NKAIN3: variants seen among roughly 807,000 people sequenced by gnomAD.
The protein encoded by NKAIN3 is sodium/potassium transporting ATPase interacting 3, also known as sodium/potassium-transporting ATPase subunit beta-1-interacting protein 3.
NKAIN3 carries 25 observed loss-of-function variants against 30.2 expected under a neutral mutation model. That is an observed-to-expected ratio of 0.83 (90% confidence interval 0.60 to 1.16). The LOEUF is 1.16. NKAIN3 is among the 50% of genes most tolerant of loss of function. The pLI is 0.00. For synonymous variants in NKAIN3, 91 were observed against 89.6 expected, an observed-to-expected ratio of 1.02 and a Z score of -0.09; for missense variants, 225 against 254.1, an observed-to-expected ratio of 0.89 and a Z score of 0.78.
chr8:62,788,771 G>A (rs1254397418), intron 4 of NKAIN3, among the ~76,000 whole-genome samples: 3 of 151,480 alleles, frequency 2.0e-5, no homozygotes, highest in Non-Finnish European at 4.4e-5. Flanking sequence ...AGTTTTCCCA[G>A]CACCATTTAT....
intron 1 of NKAIN3, among the ~76,000 whole-genome samples, chr8:62,430,532 G>A (rs1278096465): frequency 6.6e-6 from 1 of 151,452 alleles, no homozygotes; most frequent in African/African-American, 2.4e-5. Context: ...TTTCCACAGT[G>A]GCTATACCAT....
At chr8:62,381,841 G>T (rs182904752) in intron 1 of NKAIN3, among the ~76,000 whole-genome samples, 195 of 152,254 alleles carry the variant, frequency 1.3e-3, no homozygotes, top group African/African-American at 4.2e-3. Context: ...TTACCAACCT[G>T]CATGTATAGG....
chr8:62,788,621 C>T (rs2130667451), intron 4 of NKAIN3, among the ~76,000 whole-genome samples: 1 of 152,180 alleles, frequency 6.6e-6, no homozygotes, highest in South Asian at 2.1e-4. Flanking sequence ...TGCCTATGTC[C>T]TGAATGGTAT....
chr8:62,756,976 T>C (rs1816474344), intron 4 of NKAIN3, among the ~76,000 whole-genome samples: 1 of 152,184 alleles, frequency 6.6e-6, no homozygotes, highest in Non-Finnish European at 1.5e-5. Flanking sequence ...ATATTGATTA[T>C]TAAATGCAAA....
intron 4 of NKAIN3, among the ~76,000 whole-genome samples, chr8:62,774,012 T>C (rs947702114): frequency 2.0e-5 from 3 of 152,208 alleles, no homozygotes; most frequent in Admixed American, 1.3e-4. Flanking sequence ...ATGGACATTT[T>C]GACAATATTG....
In NKAIN3 at chr8:62,726,818, T is replaced by C. The variant is rs115671803; in HGVS notation, c.274-20114T>C. 2.8e-3 allele frequency among the ~76,000 whole-genome samples: 424 copies of C among 152,140 alleles called. 3 individuals are homozygous for C. Among genetic ancestry groups the C allele is most frequent in the African/African-American group, 9.8e-3 (407 of 41,554 alleles). On this transcript the variant is annotated intron_variant, in intron 3 of 6. Transcript: ENST00000623646. ...TTGTTCTATGACCTCTTTTAGAAGA[T>C]AGAAGCAGTGAGGTTACTCCCTAAG...
chr8:62,723,103 G>T (rs962135586), intron 3 of NKAIN3, among the ~76,000 whole-genome samples: 1 of 152,026 alleles, frequency 6.6e-6, no homozygotes, highest in African/African-American at 2.4e-5. Context: ...ATCAGCTGCC[G>T]CATCCATAGG....
At chr8:62,850,133 T>C (rs1819842812) in intron 4 of NKAIN3, among the ~76,000 whole-genome samples, 1 of 152,126 alleles carries the variant, frequency 6.6e-6, no homozygotes, top group Admixed American at 6.5e-5. Flanking sequence ...CCTGACTTTT[T>C]AATGATCGCC....
In NKAIN3 at chr8:62,856,705, G is replaced by C. The variant is rs1054428311; in HGVS notation, c.472-61748G>C. 3 of 735,732 alleles carry C rather than the reference G, an allele frequency of 4.1e-6. No individual in the cohort carries two copies. In the Admixed American group the frequency reaches 5.8e-5, roughly 14 times the overall value. The allele number at this position is 735,732 out of a possible 1,614,324, so 45.6% of individuals were successfully genotyped here. On this transcript the variant is annotated intron_variant, in intron 4 of 6. Coordinates refer to ENST00000623646, the MANE Select transcript of NKAIN3 (RefSeq NM_001304533.3). ...CTGTGGCCCATCAGGTCTTGGAAAC[G>C]TTTTTGTTCCTGCTGCCCCTTAAAC...
chr8:62,285,121 A>G (rs960509848), intron 1 of NKAIN3, among the ~76,000 whole-genome samples: 1 of 151,932 alleles, frequency 6.6e-6, no homozygotes. Flanking sequence ...CTTTAATCTT[A>G]CTCCTGGTGT....
chr8:62,797,046 A>G (rs574645206), intron 4 of NKAIN3, among the ~76,000 whole-genome samples: 122 of 152,300 alleles, frequency 8.0e-4, no homozygotes, highest in Non-Finnish European at 1.5e-3. Flanking sequence ...ATTGGATGAA[A>G]ATATCTTCTA....
At position 62,454,121 on chromosome 8, in the gene NKAIN3, C is replaced by T. The variant is rs1292221550; in HGVS notation, c.55-125418C>T. ...CATGACTTGCTCAGAGTCACTTAGC[C>T]AATAGGTTCCAAACTGCACTGAAAT... On this transcript the variant is annotated intron_variant, in intron 1 of 6. Transcript: ENST00000623646. Among the ~76,000 whole-genome samples, 3 of 151,504 alleles carry T rather than the reference C, an allele frequency of 2.0e-5. No homozygotes were observed. The East Asian group carries it at 5.8e-4, about 29-fold the overall frequency.
intron 1 of NKAIN3, among the ~76,000 whole-genome samples, chr8:62,330,474 T>C (rs1467698668): frequency 6.6e-6 from 1 of 151,840 alleles, no homozygotes; most frequent in African/African-American, 2.4e-5. Flanking sequence ...ATCGACAGAT[T>C]TGAGGCTGAA....
chr8:62,276,091 A>T (rs1812945943), intron 1 of NKAIN3, among the ~76,000 whole-genome samples: 1 of 152,120 alleles, frequency 6.6e-6, no homozygotes, highest in Admixed American at 6.6e-5. Context: ...TTTGAGACAG[A>T]GTCTCCCTCT....
chr8:62,722,234 A>T (rs1323380998), intron 3 of NKAIN3, among the ~76,000 whole-genome samples: 5 of 152,212 alleles, frequency 3.3e-5, no homozygotes, highest in Admixed American at 3.3e-4. Context: ...AGAAAAGCTA[A>T]AAGTGCCTTG....
rs144794736 is a variant in NKAIN3, at chr8:62,318,315, C to T, written c.54+69188C>T. On this transcript the variant is annotated intron_variant, in intron 1 of 6. Coordinates refer to ENST00000623646, the MANE Select transcript of NKAIN3 (RefSeq NM_001304533.3). The stretch of plus-strand genomic sequence containing the variant: ...CCTGGCCAGAACGTCCAGCACGTCC[C>T]ATGTTGTCCAACGTCCTATGTTGAA... Among the ~76,000 whole-genome samples the T allele has an allele frequency of 9.0e-3, 1,364 of 152,040 alleles. 29 individuals are homozygous for T. The highest frequency in any genetic ancestry group is 0.031 in the African/African-American group (1,288 of 41,494).
chr8:62,418,786 G>A (rs1804539588), intron 1 of NKAIN3, among the ~76,000 whole-genome samples: 1 of 152,116 alleles, frequency 6.6e-6, no homozygotes, highest in Admixed American at 6.6e-5. Context: ...TTGTTAAGCA[G>A]CAACCCTGAC....
chr8:62,907,673 G>A (rs1249938193), intron 4 of NKAIN3, among the ~76,000 whole-genome samples: 1 of 152,152 alleles, frequency 6.6e-6, no homozygotes, highest in Non-Finnish European at 1.5e-5. Context: ...GTTTCAGAGG[G>A]TGCAAGCCCC....
At chr8:62,313,184 A>G (rs1057432994) in intron 1 of NKAIN3, among the ~76,000 whole-genome samples, 6 of 152,140 alleles carry the variant, frequency 3.9e-5, no homozygotes, top group Non-Finnish European at 7.4e-5. Context: ...CTAATTGTGA[A>G]TGTATGCCTT....
Sources: gnomAD v4.1 joint callset for allele counts (sites outside exome capture counted in the v4.1 genomes callset) on GRCh38, gnomAD v4.1.1 for gene constraint, MANE v1.5 for transcripts, NCBI Gene and HGNC (gene_info 2026-07-23, HGNC 2026-07-21) for gene names.